Variants in FGD3 observed in about 807,000 individuals in gnomAD.
The protein encoded by FGD3 is FYVE, RhoGEF and PH domain-containing protein 3.
Under a neutral mutation model 71.8 loss-of-function variants are expected in FGD3, and 45 were observed. The ratio of observed to expected loss-of-function variants is 0.63; its 90% CI spans 0.49 to 0.80. FGD3 has a LOEUF of 0.80. Among genes scored for constraint, FGD3 ranks in the 30% least tolerant of loss-of-function variants. The pLI, the probability that FGD3 is intolerant of heterozygous loss-of-function variation, is 0.00. For synonymous variants in FGD3, 378 were observed against 392.8 expected (o/e 0.96, Z 0.44); for missense variants, 844 against 951.5 (o/e 0.89, Z 1.49).
Position 92,969,177 on chromosome 9 carries a change from C to T in FGD3, c.-217-6061C>T, listed in dbSNP as rs1859443665. Among the ~76,000 whole-genome samples, 2 of 152,246 alleles carry T rather than the reference C, an allele frequency of 1.3e-5. No individual in the cohort carries two copies. Among genetic ancestry groups the T allele is most frequent in the South Asian group, 4.1e-4 (2 of 4,836 alleles). On this transcript the variant is annotated intron_variant, in intron 1 of 17. Transcript: ENST00000375482. This position sits in a 1 kb window ranked among gnomAD's most constrained non-coding sequence, Gnocchi z 4.5. ...GTCATCATCCCTCATGATTCTGGGC[C>T]ACCCGGGTGCAGCGGGCGGCTCTTG...
chr9:92,960,365 C>G (rs1370946562), intron 1 of FGD3, among the ~76,000 whole-genome samples: 1 of 152,156 alleles, frequency 6.6e-6, no homozygotes, highest in Non-Finnish European at 1.5e-5. Context: ...CCTCCTATCC[C>G]CACGTCCTCA....
intron 3 of FGD3, among the ~76,000 whole-genome samples, chr9:92,978,491 T>G (rs1328935715): frequency 6.8e-6 from 1 of 147,664 alleles, no homozygotes; most frequent in Admixed American, 6.8e-5. Flanking sequence ...TTTCTTTCAA[T>G]GAGAAGATCA....
At position 92,976,592 on chromosome 9, in the gene FGD3, C is replaced by T; in HGVS notation, c.336C>T (p.Ala112=). The T allele has an allele frequency of 6.2e-7, 1 of 1,612,766 alleles. No homozygotes were observed. The highest frequency in any genetic ancestry group is 8.5e-7 in the Non-Finnish European group (1 of 1,179,894). Residue 112 remains alanine, a synonymous_variant, in exon 3 of 18, where the codon GCC becomes GCT. Coordinates refer to ENST00000375482, the MANE Select transcript of FGD3 (RefSeq NM_001083536.2). ...PTVLGAHAEM[A]LDSQVPKVTP... ...TACTGGGGGCGCACGCAGAGATGGC[C>T]CTGGACAGCCAGGTCCCGAAGGTCA...
At position 93,032,953 on chromosome 9, in the gene FGD3, C is replaced by T. The variant is rs763570162; in HGVS notation, c.1785+80C>T. 434 of 1,323,354 alleles carry T rather than the reference C, an allele frequency of 3.3e-4. No homozygotes were observed. The East Asian group carries it at 3.5e-3, about 11-fold the overall frequency. The allele number at this position is 1,323,354 out of a possible 1,614,324, so 82.0% of individuals were successfully genotyped here. On this transcript the variant is annotated intron_variant, in intron 16 of 17. Transcript: ENST00000375482. ...ACCTGCTCCTGTGCCCCAGCAGCTC[C>T]AGCTGCCTCTGCTTTCGGAGTGTCC...
At chr9:93,001,633 CTT>C (rs1860862527) in intron 3 of FGD3, among the ~76,000 whole-genome samples, 1 of 152,198 alleles carries the variant, frequency 6.6e-6, no homozygotes, top group Non-Finnish European at 1.5e-5. Flanking sequence ...ATTATTTTGA[CTT>C]GCTCCAGGTT....
chr9:93,021,602 G>A (rs898023322), intron 13 of FGD3, among the ~76,000 whole-genome samples: 2 of 152,088 alleles, frequency 1.3e-5, no homozygotes, highest in Non-Finnish European at 2.9e-5. Context: ...CCTTCACGGG[G>A]GCACCAGGCA....
At chr9:92,971,238 G>C (rs936608972) in intron 1 of FGD3, among the ~76,000 whole-genome samples, 1 of 152,152 alleles carries the variant, frequency 6.6e-6, no homozygotes, top group Non-Finnish European at 1.5e-5. Context: ...GCAATACAGA[G>C]TTGCAAACGC....
intron 14 of FGD3, among the ~76,000 whole-genome samples, chr9:93,026,054 G>A (rs929167817): frequency 4.6e-5 from 7 of 152,224 alleles, no homozygotes; most frequent in African/African-American, 1.2e-4. Context: ...AAACTGACTC[G>A]GTTTCATCAG....
At chr9:93,021,928 G>T (rs572325285) in intron 13 of FGD3, among the ~76,000 whole-genome samples, 55 of 152,332 alleles carry the variant, frequency 3.6e-4, no homozygotes, top group Admixed American at 5.9e-4. Context: ...TTCAGAGGCT[G>T]AGCCCGGAGC....
At chr9:93,025,242 C>T (rs894207281) in intron 14 of FGD3, among the ~76,000 whole-genome samples, 2 of 152,236 alleles carry the variant, frequency 1.3e-5, no homozygotes, top group African/African-American at 2.4e-5. Context: ...GTCACAATTC[C>T]AGTTCTGGTC....
At chr9:92,976,105 G>C (rs1202390469) in intron 2 of FGD3, 103 bp from the exon 3 acceptor site, 4 of 669,500 alleles carry the variant, frequency 6.0e-6, no homozygotes, top group Admixed American at 3.0e-5. Context: ...GGCTTTCGGT[G>C]GGGGGCGGAG....
chr9:92,992,737 G>T (rs1484455692), intron 3 of FGD3, among the ~76,000 whole-genome samples: 3 of 152,204 alleles, frequency 2.0e-5, no homozygotes, highest in African/African-American at 7.2e-5. Context: ...TCTGGTCTCA[G>T]GATGGTGCCA....
At chr9:93,010,456 G>GGA in intron 7 of FGD3, 72 bp downstream of exon 7, 3 of 1,467,550 alleles carry the variant, frequency 2.0e-6, no homozygotes, top group Non-Finnish European at 2.7e-6. Context: ...GGGGAGAGAG[G>GGA]GAGAGAGAGA....
intron 3 of FGD3, among the ~76,000 whole-genome samples, chr9:92,991,448 T>C (rs1474289560): frequency 6.6e-6 from 1 of 152,324 alleles, no homozygotes; most frequent in African/African-American, 2.4e-5. Flanking sequence ...AATTTCCATA[T>C]ATTGATATAG....
chr9:92,992,560 G>A (rs1176585049), intron 3 of FGD3, among the ~76,000 whole-genome samples: 8 of 152,170 alleles, frequency 5.3e-5, no homozygotes, highest in Non-Finnish European at 1.2e-4. Context: ...GGCAGTGAGG[G>A]TTGGTTTCCC....
chr9:93,029,066 C>T (rs1191783739), intron 14 of FGD3, among the ~76,000 whole-genome samples: 1 of 118,682 alleles, frequency 8.4e-6, no homozygotes, highest in African/African-American at 3.3e-5. Context: ...ATAGCCCAGG[C>T]TGGGGTGCAA....
Position 93,032,462 on chromosome 9 carries a change from G to A in FGD3, c.1681-307G>A, listed in dbSNP as rs1043871066. The A allele has an allele frequency of 3.2e-5, 10 of 313,430 alleles. No individual in the cohort carries two copies. The South Asian group carries it at 5.9e-4, about 19-fold the overall frequency. The allele number at this position is 313,430 out of a possible 1,614,324, so 19.4% of individuals were successfully genotyped here. On this transcript the variant is annotated intron_variant, in intron 15 of 17. Transcript: ENST00000375482. ...TTGATTTGCGTTTCCCTGATGGCCA[G>A]TGATGGGGCATCTTCCCCTGTGCTT...
intron 15 of FGD3, among the ~76,000 whole-genome samples, chr9:93,030,277 C>T (rs1862305510): frequency 6.6e-6 from 1 of 152,180 alleles, no homozygotes; most frequent in African/African-American, 2.4e-5. Context: ...AGCTGGGTGA[C>T]CTTGAGAACA....
chr9:93,023,827 G>A (rs548760823), intron 14 of FGD3, among the ~76,000 whole-genome samples: 8 of 128,378 alleles, frequency 6.2e-5, no homozygotes, highest in Non-Finnish European at 1.0e-4. Flanking sequence ...TTTTTGAGAC[G>A]GAGTCGCTCT....
Sources: allele counts gnomAD v4.1 joint callset (sites outside exome capture counted in the v4.1 genomes callset), GRCh38; gene constraint gnomAD v4.1.1; non-coding constraint Gnocchi (gnomAD v3.1); transcripts MANE v1.5; gene names NCBI Gene and HGNC (gene_info 2026-07-23, HGNC 2026-07-21).